Variants in ANKAR observed in about 807,000 individuals in gnomAD.
ANKAR encodes the protein ankyrin and armadillo repeat containing.
Under a neutral mutation model 146.2 loss-of-function variants are expected in ANKAR, and 136 were observed. That is an observed-to-expected ratio of 0.93 (90% CI 0.81 to 1.07). The LOEUF is 1.07. ANKAR is among the 50% of genes least tolerant of loss of function. ANKAR has a pLI of 0.00. For missense variants in ANKAR, 1,567 were observed against 1,679.9 expected, an observed-to-expected ratio of 0.93 and a Z score of 1.18; for synonymous variants, 500 against 575.8, an observed-to-expected ratio of 0.87 and a Z score of 1.88.
downstream of ANKAR, among the ~76,000 whole-genome samples, chr2:189,747,988 A>G (rs2044424093): frequency 6.6e-6 from 1 of 152,030 alleles, no homozygotes; most frequent in Non-Finnish European, 1.5e-5. Context: ...GCCTGGCTTC[A>G]CTGTGTACTT....
chr2:189,689,123 G>A (rs902229992), intron 2 of ANKAR, among the ~76,000 whole-genome samples: 2 of 152,184 alleles, frequency 1.3e-5, no homozygotes, highest in African/African-American at 4.8e-5. Context: ...CTTCACCATT[G>A]CCTGGCATGG....
At chr2:189,677,810 C>T (rs577720285) in intron 2 of ANKAR, among the ~76,000 whole-genome samples, 2 of 152,110 alleles carry the variant, frequency 1.3e-5, no homozygotes, top group African/African-American at 4.8e-5. Context: ...TGCACCTGGC[C>T]ACCACGTATT....
intron 10 of ANKAR, among the ~76,000 whole-genome samples, chr2:189,716,324 G>A (rs1305376997): frequency 6.6e-6 from 1 of 152,146 alleles, no homozygotes; most frequent in East Asian, 1.9e-4. Flanking sequence ...AATCATGAGT[G>A]AACTCCCATT....
At chr2:189,758,427 T>TTA (rs1189127571) in intron 18 of ANKAR, among the ~76,000 whole-genome samples, 34 of 151,690 alleles carry the variant, frequency 2.2e-4, no homozygotes, top group African/African-American at 7.7e-4. Context: ...CCTCTCTCGG[T>TTA]CCTGCTCCTG....
At chr2:189,737,198 TA>T (rs1370947140) in intron 17 of ANKAR, among the ~76,000 whole-genome samples, 1 of 151,998 alleles carries the variant, frequency 6.6e-6, no homozygotes, top group Non-Finnish European at 1.5e-5. Flanking sequence ...TTTTTAATAT[TA>T]AAAATAAGAT....
rs951505880 is a variant in ANKAR at position 189,717,979 on chromosome 2, C to G, written c.2225-1593C>G. ...GGAGGGACAGCATTAGGAGAAACAC[C>G]TAGTGTACATGACAAGTTAATGGGT... is the stretch of plus-strand genomic sequence containing the variant. On this transcript the variant is annotated intron_variant, in intron 10 of 22. Transcript: ENST00000684021. 2.6e-5 allele frequency among the ~76,000 whole-genome samples: 4 copies of G among 152,064 alleles called. No homozygotes were observed. The East Asian group carries it at 7.7e-4, about 29-fold the overall frequency.
At chr2:189,742,839 CACACACACACACATTAGAATTACCTG>C (rs1444654303) in intron 20 of ANKAR, among the ~76,000 whole-genome samples, 658 of 36,658 alleles carry the variant, frequency 0.018, 34 homozygotes, top group Admixed American at 0.023. Context: ...ACCTGACACA[CACACACACACACATTAGAATTACCTG>C]ACACACACAC....
intron 2 of ANKAR, among the ~76,000 whole-genome samples, chr2:189,681,341 G>A (rs189194158): frequency 6.6e-6 from 1 of 152,286 alleles, no homozygotes; most frequent in African/African-American, 2.4e-5. Context: ...TAAGGGAAGA[G>A]GGCTCTTGCT....
intron 2 of ANKAR, among the ~76,000 whole-genome samples, chr2:189,681,710 A>G (rs186496601): frequency 5.4e-4 from 83 of 152,310 alleles, no homozygotes; most frequent in African/African-American, 1.8e-3. Flanking sequence ...TTTCTGGATC[A>G]TGGAGCTTTT....
chr2:189,685,622 A>G (rs2035464343), intron 2 of ANKAR, among the ~76,000 whole-genome samples: 4 of 152,138 alleles, frequency 2.6e-5, no homozygotes, highest in Admixed American at 2.6e-4. Context: ...TGAGGCAGGA[A>G]CGCTGGCAGA....
chr2:189,716,441 G>A (rs1372147593), intron 10 of ANKAR, among the ~76,000 whole-genome samples: 6 of 152,022 alleles, frequency 3.9e-5, no homozygotes, highest in Non-Finnish European at 5.9e-5. Flanking sequence ...AATAAAAGAG[G>A]ACACAAACAA....
At chr2:189,715,282 A>C (rs1208360429) in intron 10 of ANKAR, among the ~76,000 whole-genome samples, 1 of 152,200 alleles carries the variant, frequency 6.6e-6, no homozygotes, top group Admixed American at 6.5e-5. Flanking sequence ...ACAGAAATAC[A>C]TACTACCATC....
chr2:189,675,398 CAG>C (rs907405392), intron 1 of ANKAR, among the ~76,000 whole-genome samples: 3 of 151,220 alleles, frequency 2.0e-5, no homozygotes, highest in East Asian at 1.9e-4. Context: ...TTTTTTGAAA[CAG>C]TGTTTTTCAC....
chr2:189,708,966 G>A (rs1474419713), intron 9 of ANKAR, among the ~76,000 whole-genome samples: 2 of 152,184 alleles, frequency 1.3e-5, no homozygotes, highest in Admixed American at 6.5e-5. Flanking sequence ...GCTGGGCGTG[G>A]TGGCACGTGC....
At chr2:189,754,425 T>G in intron 18 of ANKAR, 2 of 1,334,530 alleles carry the variant, frequency 1.5e-6, no homozygotes, top group Non-Finnish European at 2.0e-6. Context: ...AAATTGAAAA[T>G]TACTAACAAA....
intron 17 of ANKAR, among the ~76,000 whole-genome samples, chr2:189,735,354 T>G (rs920298754): frequency 3.7e-4 from 56 of 152,232 alleles, no homozygotes; most frequent in Non-Finnish European, 1.8e-4. Context: ...TTGGCTGAAA[T>G]TTTTAATTCT....
chr2:189,682,974 G>C (rs748387561), intron 2 of ANKAR, among the ~76,000 whole-genome samples: 8 of 152,138 alleles, frequency 5.3e-5, no homozygotes, highest in Non-Finnish European at 1.0e-4. Context: ...ATGGCATTAG[G>C]ACATGGGACC....
At chr2:189,732,753 C>A (rs2042532361) in intron 16 of ANKAR, among the ~76,000 whole-genome samples, 1 of 150,830 alleles carries the variant, frequency 6.6e-6, no homozygotes, top group Non-Finnish European at 1.5e-5. Flanking sequence ...GCTTTTTAAT[C>A]CATGTCAAAA....
Position 189,719,787 on chromosome 2 carries a change from G to A in ANKAR, c.2440G>A (p.Glu814Lys). 6.3e-7 allele frequency: 1 copy of A among 1,582,530 alleles called. No individual in the cohort carries two copies. The highest frequency in any genetic ancestry group is 8.7e-7 in the Non-Finnish European group (1 of 1,155,952). ...CATTCTATATGATATTGCTCAATGT[G>A]AAAACAAGGATGTTATTGCCAAATA... ...AVILYDIAQCENKDVIAKYNG... is the reference protein window; with the variant it reads ...AVILYDIAQCKNKDVIAKYNG... Residue 814 changes from glutamate (E) to lysine (K), a missense_variant, in exon 11 of 23, where the codon GAA becomes AAA. By Grantham distance (56) the Glu-to-Lys change is moderately conservative. Coordinates refer to ENST00000684021, the MANE Select transcript of ANKAR (RefSeq NM_001378068.1).
Sources: allele counts gnomAD v4.1 joint callset (sites outside exome capture counted in the v4.1 genomes callset), GRCh38; gene constraint gnomAD v4.1.1; transcripts MANE v1.5; gene names NCBI Gene and HGNC (gene_info 2026-07-23, HGNC 2026-07-21).